Variants in PDZD2 observed in about 807,000 individuals in gnomAD.
The protein encoded by PDZD2 is PDZ domain-containing protein 2.
In PDZD2, 90 loss-of-function variants were observed where a neutral mutation model predicts 220.7. That is an observed-to-expected ratio of 0.41 (90% CI 0.34 to 0.49). The LOEUF (loss-of-function observed/expected upper bound fraction) is 0.49. Among genes scored for constraint, PDZD2 ranks in the 20% least tolerant of loss-of-function variants. PDZD2 has a pLI of 0.28. For synonymous variants in PDZD2, 1,375 were observed against 1,450.5 expected, an observed-to-expected ratio of 0.95 and a Z score of 1.18; for missense variants, 3,174 against 3,608.5, an observed-to-expected ratio of 0.88 and a Z score of 3.08.
chr5:31,725,925 G>A, intron 1 of PDZD2: 6 of 678,822 alleles, frequency 8.8e-6, no homozygotes, highest in South Asian at 8.2e-5. Flanking sequence ...TCCTCCAGCT[G>A]CCTGGGTCTC....
intron 2 of PDZD2, chr5:31,822,967 AC>A: frequency 8.9e-7 from 1 of 1,122,480 alleles, no homozygotes; most frequent in Non-Finnish European, 1.3e-6. Flanking sequence ...CCATTTGTCA[AC>A]CCGGGGCCTC....
At chr5:31,945,424 A>G (rs1440723392) in intron 2 of PDZD2, among the ~76,000 whole-genome samples, 3 of 152,084 alleles carry the variant, frequency 2.0e-5, no homozygotes, top group South Asian at 2.1e-4. Context: ...TGTTATTGCC[A>G]TCTCTTGTTT....
intron 2 of PDZD2, among the ~76,000 whole-genome samples, chr5:31,808,001 A>G (rs1754840876): frequency 6.6e-6 from 1 of 152,210 alleles, no homozygotes; most frequent in Non-Finnish European, 1.5e-5. Context: ...TTCTGTCTGC[A>G]TTATAGCAGA....
At chr5:31,814,139 A>G (rs1755290115) in intron 2 of PDZD2, among the ~76,000 whole-genome samples, 1 of 152,246 alleles carries the variant, frequency 6.6e-6, no homozygotes, top group African/African-American at 2.4e-5. Context: ...TGTATTTTTC[A>G]CAATTCAATG....
At chr5:32,069,515 TG>T in intron 14 of PDZD2, 53 bp from the exon 15 acceptor site, 4 of 1,023,090 alleles carry the variant, frequency 3.9e-6, no homozygotes, top group Non-Finnish European at 6.2e-6. Context: ...GTACTTTCAT[TG>T]GGAGAAATAA....
In PDZD2 at chr5:32,057,941, C is replaced by A; in HGVS notation, c.2038C>A (p.Pro680Thr). 1 of 1,613,980 alleles carries A rather than the reference C, an allele frequency of 6.2e-7. No individual in the cohort carries two copies. Among genetic ancestry groups the A allele is most frequent in the East Asian group, 2.2e-5 (1 of 44,866 alleles). The change falls in exon 12 of 25, where the codon CCC becomes ACC. Residue 680 changes from proline to threonine, a missense_variant. Transcript: ENST00000438447. ...RTKLVSPSLTPCSTPTHMSRS... is the reference protein window; with the variant it reads ...RTKLVSPSLTTCSTPTHMSRS... ...AAAGTTGGTGAGCCCCAGCCTCACACCCTGCTCGACACCCACACACATGAG... is the reference window on the plus strand; with the variant it reads ...AAAGTTGGTGAGCCCCAGCCTCACAACCTGCTCGACACCCACACACATGAG...
At chr5:32,072,457 G>A (rs988179045) in intron 17 of PDZD2, 140 bp downstream of exon 17, 5 of 694,614 alleles carry the variant, frequency 7.2e-6, no homozygotes, top group African/African-American at 3.6e-5. Context: ...CAGGCCGGGC[G>A]CGGTGGCTCA....
intron 2 of PDZD2, among the ~76,000 whole-genome samples, chr5:31,885,178 AAG>A (rs1402217990): frequency 3.3e-5 from 5 of 151,806 alleles, no homozygotes; most frequent in African/African-American, 7.3e-5. Context: ...AAAAAAGAAA[AAG>A]AAAAAAATGC....
intron 21 of PDZD2, among the ~76,000 whole-genome samples, chr5:32,093,865 C>A (rs565001316): frequency 2.6e-5 from 4 of 151,914 alleles, no homozygotes; most frequent in Non-Finnish European, 5.9e-5. Context: ...GTAGTCTCAG[C>A]GACTCAGGAG....
At chr5:31,728,653 C>G (rs1163136362) in intron 1 of PDZD2, among the ~76,000 whole-genome samples, 3 of 152,040 alleles carry the variant, frequency 2.0e-5, no homozygotes, top group African/African-American at 4.8e-5. Context: ...ATTTGTTTAC[C>G]CACGGACATT....
chr5:32,087,107 C>G lies in PDZD2; in HGVS notation c.3683-24C>G. The G allele has an allele frequency of 7.0e-7, 1 of 1,421,978 alleles. No individual in the cohort carries two copies. Among genetic ancestry groups the G allele is most frequent in the Admixed American group, 1.7e-5 (1 of 58,296 alleles). 88.1% of individuals were successfully genotyped at this position (1,421,978 alleles called of 1,614,324 possible). A position where few individuals can be genotyped will look rare whatever the true frequency, so the allele number is the denominator to read the frequency against. On this transcript the variant is annotated intron_variant, in intron 19 of 24. Transcript: ENST00000438447. This position sits in a 1 kb window ranked among gnomAD's most constrained non-coding sequence, Gnocchi z 4.0. ...CCTACAACCTCTCCTGTGTATGTAC[C>G]TTCTGTTTACGTTCCCCACGTAGAA...
chr5:31,889,157 G>T (rs1581001921), intron 2 of PDZD2, among the ~76,000 whole-genome samples: 1 of 152,180 alleles, frequency 6.6e-6, no homozygotes, highest in Admixed American at 6.6e-5. Context: ...CGTTTGGAAG[G>T]CCACCCAGCC....
At chr5:31,733,358 G>A (rs1305203056) in intron 1 of PDZD2, among the ~76,000 whole-genome samples, 1 of 152,214 alleles carries the variant, frequency 6.6e-6, no homozygotes, top group African/African-American at 2.4e-5. Context: ...GCTAAGGCTT[G>A]TGCTTTGGGG....
chr5:32,020,067 A>C (rs1754079431), intron 6 of PDZD2, among the ~76,000 whole-genome samples: 1 of 127,158 alleles, frequency 7.9e-6, no homozygotes, highest in Non-Finnish European at 1.8e-5. Flanking sequence ...ATATTTTTTT[A>C]ATTTAATTTT....
At chr5:31,915,260 AATG>A (rs1258719362) in intron 2 of PDZD2, among the ~76,000 whole-genome samples, 1 of 152,090 alleles carries the variant, frequency 6.6e-6, no homozygotes, top group Non-Finnish European at 1.5e-5. Context: ...CAGGCAAAAA[AATG>A]ATGAGCCCGT....
chr5:31,888,902 G>C lies in PDZD2; in HGVS notation c.476+89178G>C, dbSNP rs1425203591. Reference sequence around the variant, plus strand: ...TAATGGGAAAAACTCATGTTGGATGGAATGGAAATGTTCCCAGTCAAGATA... The same window carrying C: ...TAATGGGAAAAACTCATGTTGGATGCAATGGAAATGTTCCCAGTCAAGATA... On this transcript the variant is annotated intron_variant, in intron 2 of 24. Transcript: ENST00000438447. Among the ~76,000 whole-genome samples the C allele has an allele frequency of 3.3e-5, 5 of 152,084 alleles. No homozygotes were observed. In the East Asian group the frequency reaches 9.7e-4, roughly 29 times the overall value.
chr5:31,800,106 T>G (rs568788901), intron 2 of PDZD2, among the ~76,000 whole-genome samples: 1 of 152,300 alleles, frequency 6.6e-6, no homozygotes, highest in Admixed American at 6.5e-5. Flanking sequence ...TTGGACTGTC[T>G]TGGTGTTTCC....
At position 32,039,606 on chromosome 5, in the gene PDZD2, C is replaced by T. The variant is rs540382639; in HGVS notation, c.1519+2264C>T. Among the ~76,000 whole-genome samples, 160 of 152,062 alleles carry T rather than the reference C, an allele frequency of 1.1e-3. 1 individual carries two copies. The East Asian group carries it at 0.028, about 26-fold the overall frequency. ...GAGGAGCCCCTCTGCCCGGCCACCC[C>T]GTCTGGGAAGTGAGGAGCACCTCTG... is the stretch of plus-strand genomic sequence containing the variant. On this transcript the variant is annotated intron_variant, in intron 7 of 24. Coordinates refer to ENST00000438447, the MANE Select transcript of PDZD2 (RefSeq NM_178140.4).
chr5:31,863,562 G>A (rs558557175), intron 2 of PDZD2, among the ~76,000 whole-genome samples: 5 of 152,318 alleles, frequency 3.3e-5, no homozygotes, highest in Admixed American at 6.5e-5. Context: ...GATAGAAAAT[G>A]TAAGTGGAAA....
Sources: gnomAD v4.1 joint callset for allele counts (sites outside exome capture counted in the v4.1 genomes callset) on GRCh38, gnomAD v4.1.1 for gene constraint, Gnocchi (gnomAD v3.1) non-coding constraint, MANE v1.5 for transcripts, NCBI Gene and HGNC (gene_info 2026-07-23, HGNC 2026-07-21) for gene names.